SKAP1: variants seen among roughly 807,000 people sequenced by gnomAD.
SKAP1 encodes src kinase associated phosphoprotein 1, also known as src kinase-associated phosphoprotein 1.
Under a neutral mutation model 58.5 loss-of-function variants are expected in SKAP1, and 44 were observed. That is an observed-to-expected ratio of 0.75 (90% CI 0.59 to 0.97). SKAP1 has a LOEUF of 0.97. SKAP1 is among the 50% of genes least tolerant of loss of function. SKAP1 has a pLI of 0.00. For missense variants in SKAP1, 390 were observed against 435.2 expected, an observed-to-expected ratio of 0.90 and a Z score of 0.92; for synonymous variants, 127 against 149.7, an observed-to-expected ratio of 0.85 and a Z score of 1.11.
chr17:48,373,731 C>T (rs542863878), intron 2 of SKAP1, among the ~76,000 whole-genome samples: 1 of 152,168 alleles, frequency 6.6e-6, no homozygotes, highest in African/African-American at 2.4e-5. Context: ...AGTCTATAGA[C>T]CTCATTAGTG....
intron 9 of SKAP1, among the ~76,000 whole-genome samples, chr17:48,176,447 C>CGGT (rs576272989): frequency 1.4e-4 from 22 of 152,146 alleles, no homozygotes; most frequent in African/African-American, 4.6e-4. Context: ...AAAATAACTT[C>CGGT]GGTGGTGGTG....
At chr17:48,435,165 C>T (rs1403066041), upstream of SKAP1, among the ~76,000 whole-genome samples, 1 of 151,874 alleles carries the variant, frequency 6.6e-6, no homozygotes, top group East Asian at 1.9e-4. Flanking sequence ...AGTAACATTT[C>T]TTTCTTTCTT....
chr17:48,161,865 A>G (rs776987151), intron 11 of SKAP1, among the ~76,000 whole-genome samples: 1 of 152,198 alleles, frequency 6.6e-6, no homozygotes, highest in Non-Finnish European at 1.5e-5. Flanking sequence ...CATAGTGATG[A>G]CCTTTAAGCA....
chr17:48,404,093 A>G (rs1167527443), intron 1 of SKAP1, among the ~76,000 whole-genome samples: 3 of 150,866 alleles, frequency 2.0e-5, no homozygotes, highest in African/African-American at 7.3e-5. Context: ...TGTCTCGGAA[A>G]AAAAAAAAAA....
intron 4 of SKAP1, among the ~76,000 whole-genome samples, chr17:48,269,500 C>CT (rs1439432594): frequency 6.6e-6 from 1 of 152,134 alleles, no homozygotes; most frequent in Non-Finnish European, 1.5e-5. Context: ...AGTTAACCTG[C>CT]TATAAGGTCA....
chr17:48,204,932 C>T (rs1475997255), intron 4 of SKAP1, among the ~76,000 whole-genome samples: 1 of 150,470 alleles, frequency 6.6e-6, no homozygotes, highest in East Asian at 2.0e-4. Context: ...TTCCTTCCTT[C>T]CTTCCTTCCT....
At chr17:48,391,784 CTTTTTTT>C (rs35958466) in intron 2 of SKAP1, among the ~76,000 whole-genome samples, 1 of 130,862 alleles carries the variant, frequency 7.6e-6, no homozygotes, top group Non-Finnish European at 1.6e-5. Context: ...CTACCTCTTC[CTTTTTTT>C]TTTTTTTTTT....
intron 4 of SKAP1, among the ~76,000 whole-genome samples, chr17:48,251,483 C>G (rs1468514580): frequency 6.6e-6 from 1 of 152,084 alleles, no homozygotes; most frequent in African/African-American, 2.4e-5. Flanking sequence ...TTGAAAGGGA[C>G]AAGAAAATGT....
intron 1 of SKAP1, among the ~76,000 whole-genome samples, chr17:48,419,296 T>C (rs550883978): frequency 8.3e-4 from 124 of 149,942 alleles, no homozygotes; most frequent in African/African-American, 2.9e-3. Flanking sequence ...GCTTTTTTTT[T>C]TTTCCAAAAC....
At chr17:48,173,373 A>G (rs1054548491) in intron 9 of SKAP1, among the ~76,000 whole-genome samples, 2 of 152,200 alleles carry the variant, frequency 1.3e-5, no homozygotes, top group Non-Finnish European at 2.9e-5. Context: ...AAACAACCTA[A>G]GCTAATGGAG....
chr17:48,368,026 C>T (rs2067032295), intron 2 of SKAP1, among the ~76,000 whole-genome samples: 1 of 152,036 alleles, frequency 6.6e-6, no homozygotes, highest in Non-Finnish European at 1.5e-5. Context: ...TCTTGCTATC[C>T]TACCTTTTCT....
intron 4 of SKAP1, among the ~76,000 whole-genome samples, chr17:48,313,708 T>G (rs1454012916): frequency 1.3e-5 from 2 of 152,228 alleles, no homozygotes; most frequent in Non-Finnish European, 1.5e-5. Context: ...TGAAATTTTC[T>G]GACTTCTCAG....
intron 4 of SKAP1, among the ~76,000 whole-genome samples, chr17:48,318,605 T>C (rs2066319790): frequency 1.3e-5 from 2 of 152,190 alleles, no homozygotes; most frequent in African/African-American, 2.4e-5. Context: ...GTGGCTCACA[T>C]CTGTAATTCC....
At chr17:48,229,531 G>A (rs1004037083) in intron 4 of SKAP1, among the ~76,000 whole-genome samples, 1 of 152,006 alleles carries the variant, frequency 6.6e-6, no homozygotes, top group Non-Finnish European at 1.5e-5. Context: ...TGAGGCAGGA[G>A]AATTGCTTAA....
At chr17:48,314,511 G>A (rs1047974401) in intron 4 of SKAP1, among the ~76,000 whole-genome samples, 1 of 152,084 alleles carries the variant, frequency 6.6e-6, no homozygotes, top group African/African-American at 2.4e-5. Context: ...GAAACCAAAG[G>A]CCTCAGCAAA....
At chr17:48,183,446 T>A (rs942413946) in intron 7 of SKAP1, among the ~76,000 whole-genome samples, 1 of 152,208 alleles carries the variant, frequency 6.6e-6, no homozygotes, top group South Asian at 2.1e-4. Context: ...TTATTTTAAA[T>A]GAATCAACTT....
At chr17:48,229,891 T>A (rs1210811329) in intron 4 of SKAP1, among the ~76,000 whole-genome samples, 3 of 152,158 alleles carry the variant, frequency 2.0e-5, no homozygotes, top group Admixed American at 2.0e-4. Context: ...AGACCATTCC[T>A]CATCTTGTGC....
chr17:48,254,416 T>C (rs915633729), intron 4 of SKAP1, among the ~76,000 whole-genome samples: 1 of 152,112 alleles, frequency 6.6e-6, no homozygotes, highest in Admixed American at 6.6e-5. Flanking sequence ...ACATATGACA[T>C]AAATGTTTGA....
intron 4 of SKAP1, among the ~76,000 whole-genome samples, chr17:48,271,331 C>G (rs1489774550): frequency 6.7e-6 from 1 of 148,760 alleles, no homozygotes; most frequent in Non-Finnish European, 1.5e-5. Context: ...ATAAACCTGA[C>G]AGTGATATTA....
Sources: allele counts gnomAD v4.1 joint callset (sites outside exome capture counted in the v4.1 genomes callset), GRCh38; gene constraint gnomAD v4.1.1; transcripts MANE v1.5; gene names NCBI Gene and HGNC (gene_info 2026-07-23, HGNC 2026-07-21).